PHLPP1: variants seen among roughly 807,000 people sequenced by gnomAD.
PHLPP1 encodes PH domain leucine-rich repeat-containing protein phosphatase 1.
PHLPP1 carries 42 observed loss-of-function variants against 117.2 expected under a neutral mutation model. That is an observed-to-expected ratio of 0.36 (90% confidence interval 0.28 to 0.46). The LOEUF is 0.46. Ranked by LOEUF, PHLPP1 falls within the 20% of genes least tolerant of loss-of-function variation. The pLI is 1.00. For synonymous variants in PHLPP1, 1,042 were observed against 970.7 expected, an observed-to-expected ratio of 1.07 and a Z score of -1.37; for missense variants, 2,084 against 2,241.9, an observed-to-expected ratio of 0.93 and a Z score of 1.42.
In PHLPP1 at chr18:62,979,161, G is replaced by A. The variant is rs376723469; in HGVS notation, c.4884G>A (p.Ala1628=). The change falls in exon 17 of 17, where the codon GCG becomes GCA. Residue 1628 remains alanine (A), a synonymous_variant. Transcript: ENST00000262719. ...IGRRRANGSV[A]PQERSHNVIE... ...GCCGGAGGGCCAATGGCTCTGTTGC[G>A]CCCCAGGAAAGGAGCCACAATGTGA... The A allele has an allele frequency of 1.2e-4, 186 of 1,613,696 alleles. No individual in the cohort carries two copies. The highest frequency in any genetic ancestry group is 1.5e-4 in the Non-Finnish European group (172 of 1,179,854).
intron 1 of PHLPP1, among the ~76,000 whole-genome samples, chr18:62,794,550 C>G (rs550863601): frequency 2.6e-5 from 4 of 151,656 alleles, no homozygotes; most frequent in African/African-American, 9.7e-5. Flanking sequence ...GATTTTTTTT[C>G]TTTTTTTAGA....
At chr18:62,770,040 C>A (rs1274706131) in intron 1 of PHLPP1, among the ~76,000 whole-genome samples, 1 of 152,164 alleles carries the variant, frequency 6.6e-6, no homozygotes, top group Non-Finnish European at 1.5e-5. Context: ...CAATTAGCAT[C>A]ATCAATCTAG....
intron 15 of PHLPP1, 112 bp downstream of exon 15, chr18:62,972,820 A>G (rs1437311446): frequency 2.5e-5 from 20 of 796,048 alleles, no homozygotes; most frequent in Admixed American, 5.2e-5. Flanking sequence ...TTTTTTGACT[A>G]TGAGTACCAA....
chr18:62,752,604 G>A (rs1437320605), intron 1 of PHLPP1, among the ~76,000 whole-genome samples: 3 of 151,668 alleles, frequency 2.0e-5, no homozygotes, highest in Non-Finnish European at 2.9e-5. Flanking sequence ...CTTGAGAATA[G>A]CATGGCACCA....
At position 62,879,526 on chromosome 18, in the gene PHLPP1, C is replaced by T. The variant is rs559426740; in HGVS notation, c.2067-15485C>T. 1.1e-4 allele frequency among the ~76,000 whole-genome samples: 17 copies of T among 152,198 alleles called. 1 individual carries two copies. The South Asian group carries it at 2.9e-3, about 26-fold the overall frequency. ...TCCTGGGTTCAAGCGATTCTCCCACCTCCGCCTCCTGAGTAGCTTGGATTA... is the reference window on the plus strand; with the variant it reads ...TCCTGGGTTCAAGCGATTCTCCCACTTCCGCCTCCTGAGTAGCTTGGATTA... On this transcript the variant is annotated intron_variant, in intron 4 of 16. Coordinates refer to ENST00000262719, the MANE Select transcript of PHLPP1 (RefSeq NM_194449.4).
At chr18:62,896,317 A>C (rs1044528397) in intron 6 of PHLPP1, among the ~76,000 whole-genome samples, 10 of 147,390 alleles carry the variant, frequency 6.8e-5, no homozygotes, top group Non-Finnish European at 1.0e-4. Flanking sequence ...TTTGAGTCAA[A>C]GTCTCGCTCT....
chr18:62,797,615 T>C (rs568536077), intron 1 of PHLPP1, among the ~76,000 whole-genome samples: 2 of 152,300 alleles, frequency 1.3e-5, no homozygotes, highest in African/African-American at 4.8e-5. Flanking sequence ...CAAGTGCTAA[T>C]TATCTGGAAA....
intron 6 of PHLPP1, 93 bp from the exon 7 acceptor site, chr18:62,902,871 C>A: frequency 5.3e-6 from 4 of 751,786 alleles, no homozygotes; most frequent in Non-Finnish European, 6.7e-6. Flanking sequence ...ACAGAGAGAA[C>A]TGAGTTCTTT....
intron 1 of PHLPP1, among the ~76,000 whole-genome samples, chr18:62,757,090 C>T (rs984985787): frequency 6.6e-6 from 1 of 152,122 alleles, no homozygotes; most frequent in African/African-American, 2.4e-5. Context: ...GGTTTTCAAG[C>T]AAAATGTCAT....
intron 1 of PHLPP1, among the ~76,000 whole-genome samples, chr18:62,823,819 T>C (rs776852254): frequency 1.7e-4 from 26 of 152,010 alleles, no homozygotes; most frequent in Non-Finnish European, 3.5e-4. Flanking sequence ...CCACTACATA[T>C]GCACTAGAAT....
chr18:62,795,864 G>C (rs1335759003), intron 1 of PHLPP1, among the ~76,000 whole-genome samples: 1 of 152,140 alleles, frequency 6.6e-6, no homozygotes, highest in Non-Finnish European at 1.5e-5. Flanking sequence ...CAAGTTTCTT[G>C]CTAGTTTGCT....
rs1455611466 is a variant in PHLPP1, at chr18:62,715,805, T to TGGC, written c.132_134dup (p.Ala45dup). 1.2e-5 allele frequency: 9 copies of TGGC among 728,802 alleles called. No homozygotes were observed. Among genetic ancestry groups the TGGC allele is most frequent in the Non-Finnish European group, 1.4e-5 (8 of 591,216 alleles). The allele number at this position is 728,802 out of a possible 1,614,324, so 45.1% of individuals were successfully genotyped here. The stretch of plus-strand genomic sequence containing the variant: ...GCAGCAGCGGCGGCCGCGGCGGCTC[T>TGGC]GGCGGCGGCGGCCGGGGGCGGCCGG... On this transcript the variant is annotated inframe_insertion, in exon 1 of 17. Transcript: ENST00000262719.
At position 62,914,944 on chromosome 18, in the gene PHLPP1, T is replaced by C; in HGVS notation, c.2740T>C (p.Cys914Arg). ...CTTAGAAAATGTGCCTGAGTGGGTA[T>C]GTGAAAGCCGAAAGCTAGAAGTTTT... ...NRLENVPEWV[C>R]ESRKLEVLDI... Residue 914 changes from cysteine (C) to arginine (R), a missense_variant, in exon 9 of 17, where the codon TGT becomes CGT. Cys to Arg is a radical substitution (Grantham distance 180). Around this residue, in one of 2 missense-constraint regions of PHLPP1, gnomAD observed 1,365 missense variants for 1,605.9 expected, o/e 0.85. Coordinates refer to ENST00000262719, the MANE Select transcript of PHLPP1 (RefSeq NM_194449.4). The C allele has an allele frequency of 1.2e-6, 2 of 1,613,864 alleles. No individual in the cohort carries two copies. The highest frequency in any genetic ancestry group is 1.7e-6 in the Non-Finnish European group (2 of 1,179,818).
chr18:62,776,339 TGGGAAATC>T (rs1912954929), intron 1 of PHLPP1, among the ~76,000 whole-genome samples: 1 of 152,238 alleles, frequency 6.6e-6, no homozygotes, highest in Non-Finnish European at 1.5e-5. Context: ...CCTCTTCCTC[TGGGAAATC>T]TGTTTTTTGT....
intron 1 of PHLPP1, among the ~76,000 whole-genome samples, chr18:62,758,343 G>A (rs756810858): frequency 4.6e-5 from 7 of 152,104 alleles, no homozygotes; most frequent in Non-Finnish European, 1.0e-4. Flanking sequence ...CAAGATAAGG[G>A]AAAAGCACTA....
intron 1 of PHLPP1, among the ~76,000 whole-genome samples, chr18:62,765,159 T>C (rs1912424681): frequency 6.6e-6 from 1 of 152,234 alleles, no homozygotes; most frequent in African/African-American, 2.4e-5. Flanking sequence ...TTTGTCTCCC[T>C]TTTCAGACCA....
rs1213205189 is a variant in PHLPP1, at chr18:62,934,836, G to T, written c.2961-6882G>T. Among the ~76,000 whole-genome samples the T allele has an allele frequency of 3.3e-5, 5 of 152,084 alleles. No homozygotes were observed. In the East Asian group the frequency reaches 9.6e-4, roughly 29 times the overall value. On this transcript the variant is annotated intron_variant, in intron 10 of 16. Transcript: ENST00000262719. ...TTATGAATTATATCTCAATAAAGCT[G>T]TTAATAAAAAAATAAGGAAAATAGT...
chr18:62,940,730 T>G (rs1910109738), intron 10 of PHLPP1, among the ~76,000 whole-genome samples: 1 of 152,214 alleles, frequency 6.6e-6, no homozygotes, highest in Admixed American at 6.5e-5. Context: ...TTGTTTGTTT[T>G]AATGTAAAAT....
chr18:62,944,864 T>C (rs939946972), intron 11 of PHLPP1, among the ~76,000 whole-genome samples: 3 of 152,198 alleles, frequency 2.0e-5, no homozygotes, highest in African/African-American at 7.2e-5. Flanking sequence ...ACATAGACTT[T>C]TAGGAGGAAA....
Sources: gnomAD v4.1 joint callset for allele counts (sites outside exome capture counted in the v4.1 genomes callset) on GRCh38, gnomAD v4.1.1 for gene constraint, gnomAD v4.1.1 regional missense constraint, MANE v1.5 for transcripts, NCBI Gene and HGNC (gene_info 2026-07-23, HGNC 2026-07-21) for gene names.